The following PRIM2 variants were observed in gnomAD, a reference collection of about 807,000 sequenced individuals.
PRIM2 encodes the protein DNA primase large subunit.
In PRIM2, 39 loss-of-function variants were observed where a neutral mutation model predicts 67.3. The ratio of observed to expected loss-of-function variants is 0.58; its 90% CI spans 0.45 to 0.76. PRIM2 has a LOEUF of 0.76. Ranked by LOEUF, PRIM2 falls within the 30% of genes least tolerant of loss-of-function variation. The probability of loss-of-function intolerance (pLI) is 0.00; values close to 1 mark genes in which losing one functional copy is unlikely to be tolerated. For synonymous variants in PRIM2, 143 were observed against 198.7 expected (o/e 0.72, Z 2.36); for missense variants, 398 against 598.7 (o/e 0.66, Z 3.50).
At chr6:57,332,975 A>T (rs7771738) in intron 5 of PRIM2, among the ~76,000 whole-genome samples, 105,392 of 151,904 alleles carry the variant, frequency 0.69, 36,734 homozygotes, top group African/African-American at 0.77. Flanking sequence ...TTGTATTAAA[A>T]TGGTATTTTC....
chr6:57,645,602 C>T lies in PRIM2; in HGVS notation c.1300-326C>T, dbSNP rs1230274696. Among the ~76,000 whole-genome samples the T allele has an allele frequency of 1.4e-4, 21 of 150,512 alleles. No homozygotes were observed. In the South Asian group the frequency reaches 1.5e-3, roughly 11 times the overall value. ...AAGGATGGGGAGAGGGGAAAGGATACGTTTCCTGTTGGGTTTGAGCTGCCT... is the reference window on the plus strand; with the variant it reads ...AAGGATGGGGAGAGGGGAAAGGATATGTTTCCTGTTGGGTTTGAGCTGCCT... On this transcript the variant is annotated intron_variant, in intron 13 of 13. Coordinates refer to ENST00000615550, the MANE Select transcript of PRIM2 (RefSeq NM_000947.5).
chr6:57,569,150 T>TA (rs1775811546), intron 10 of PRIM2, among the ~76,000 whole-genome samples: 1 of 152,208 alleles, frequency 6.6e-6, no homozygotes, highest in African/African-American at 2.4e-5. Context: ...AGGTCTGTCT[T>TA]ATGCTCTCAT....
At chr6:57,470,339 C>T (rs1266336554) in intron 7 of PRIM2, among the ~76,000 whole-genome samples, 1 of 142,314 alleles carries the variant, frequency 7.0e-6, no homozygotes, top group Non-Finnish European at 1.5e-5. Context: ...ATTTAAATTC[C>T]ACCACAAATT....
At chr6:57,477,458 CAAAATT>C (rs1384895902) in intron 7 of PRIM2, among the ~76,000 whole-genome samples, 4 of 152,116 alleles carry the variant, frequency 2.6e-5, no homozygotes, top group Non-Finnish European at 5.9e-5. Flanking sequence ...TATTATTCAG[CAAAATT>C]AAAATCCATA....
intron 10 of PRIM2, among the ~76,000 whole-genome samples, chr6:57,557,220 C>T (rs1398686719): frequency 7.3e-6 from 1 of 136,370 alleles, no homozygotes; most frequent in African/African-American, 2.8e-5. Flanking sequence ...ATGGCAATTC[C>T]TCAAAGAGCT....
intron 10 of PRIM2, among the ~76,000 whole-genome samples, chr6:57,597,167 A>C (rs1394057502): frequency 1.1e-4 from 17 of 152,320 alleles, no homozygotes; most frequent in African/African-American, 4.1e-4. Context: ...ATTCCATTGC[A>C]ACAAGAAAGG....
At chr6:57,315,354 C>T (rs1767460128), upstream of PRIM2, among the ~76,000 whole-genome samples, 1 of 152,060 alleles carries the variant, frequency 6.6e-6, no homozygotes, top group Non-Finnish European at 1.5e-5. Context: ...AATTAACATC[C>T]CTCTACTACA....
chr6:57,503,209 TCTTGTGATGAGAGAA>T (rs1187025876), intron 7 of PRIM2, among the ~76,000 whole-genome samples: 1 of 152,134 alleles, frequency 6.6e-6, no homozygotes, highest in Non-Finnish European at 1.5e-5. Context: ...GAGCCTATAT[TCTTGTGATGAGAGAA>T]AGACACAGTA....
intron 4 of PRIM2, among the ~76,000 whole-genome samples, chr6:57,325,528 G>A (rs561613178): frequency 1.3e-4 from 20 of 152,108 alleles, no homozygotes; most frequent in African/African-American, 4.8e-4. Context: ...TTCTGGGCTC[G>A]AGCAATCTGC....
intron 10 of PRIM2, among the ~76,000 whole-genome samples, chr6:57,548,092 C>T (rs1775326025): frequency 6.6e-6 from 1 of 152,054 alleles, no homozygotes; most frequent in African/African-American, 2.4e-5. Context: ...TAACTACTAC[C>T]CTGTCATAGT....
intron 7 of PRIM2, among the ~76,000 whole-genome samples, chr6:57,430,720 C>T (rs1471337330): frequency 2.0e-5 from 3 of 151,998 alleles, no homozygotes; most frequent in Admixed American, 6.6e-5. Flanking sequence ...CTTGGCCTCC[C>T]GAAGTGCTGG....
At chr6:57,494,245 A>C (rs1773956302) in intron 7 of PRIM2, among the ~76,000 whole-genome samples, 1 of 152,182 alleles carries the variant, frequency 6.6e-6, no homozygotes, top group African/African-American at 2.4e-5. Context: ...GCTAGGGTCC[A>C]TTCCATCACG....
intron 7 of PRIM2, among the ~76,000 whole-genome samples, chr6:57,425,687 T>C (rs35444204): frequency 8.5e-5 from 13 of 152,274 alleles, no homozygotes; most frequent in South Asian, 2.1e-4. Context: ...CCAGAAATTA[T>C]TAATAGTCTG....
At chr6:57,528,569 T>C (rs1323805538) in intron 8 of PRIM2, among the ~76,000 whole-genome samples, 1 of 152,198 alleles carries the variant, frequency 6.6e-6, no homozygotes, top group African/African-American at 2.4e-5. Flanking sequence ...ATCATTTGGC[T>C]TCATTTACTC....
At chr6:57,458,448 C>T (rs9475990) in intron 7 of PRIM2, among the ~76,000 whole-genome samples, 1 of 152,158 alleles carries the variant, frequency 6.6e-6, no homozygotes, top group African/African-American at 2.4e-5. Context: ...CTTTGGGAGG[C>T]CAAGGTGGGC....
the PRIM2 span, among the ~76,000 whole-genome samples, chr6:57,226,007 T>C: frequency 2.0e-5 from 3 of 152,286 alleles, no homozygotes; most frequent in South Asian, 4.1e-4. Flanking sequence ...CTTAGTATCC[T>C]CATCTATAGT....
At chr6:57,455,333 G>T (rs1315503471) in intron 7 of PRIM2, among the ~76,000 whole-genome samples, 2 of 152,096 alleles carry the variant, frequency 1.3e-5, no homozygotes, top group East Asian at 1.9e-4. Flanking sequence ...TCAATTCCTG[G>T]ATATCCTTGT....
At chr6:57,345,855 A>C (rs76099992) in intron 5 of PRIM2, among the ~76,000 whole-genome samples, 1 of 152,190 alleles carries the variant, frequency 6.6e-6, no homozygotes, top group Non-Finnish European at 1.5e-5. Flanking sequence ...TCTAGGGAAG[A>C]GATGGACAAT....
In PRIM2 at chr6:57,324,249, C is replaced by T. The variant is rs537101388; in HGVS notation, c.307C>T (p.His103Tyr). ...ACCACGAAGAAGAGATCATATTTCT[C>T]ATTTTATTTTGCGGCTTGCTTATTG... ...YEPRRRDHIS[H>Y]FILRLAYCQS... is the part of the protein sequence containing the mutation. The change falls in exon 4 of 14, where the codon CAT becomes TAT. Residue 103 changes from histidine (H) to tyrosine (Y), a missense_variant. Transcript: ENST00000615550. 1.2e-6 allele frequency: 2 copies of T among 1,605,580 alleles called. No homozygotes were observed. Among genetic ancestry groups the T allele is most frequent in the East Asian group, 2.2e-5 (1 of 44,808 alleles).
Sources: allele counts gnomAD v4.1 joint callset (sites outside exome capture counted in the v4.1 genomes callset), GRCh38; gene constraint gnomAD v4.1.1; transcripts MANE v1.5; gene names NCBI Gene and HGNC (gene_info 2026-07-23, HGNC 2026-07-21).